The following CTNNA3 variants were observed in gnomAD, a reference collection of about 807,000 sequenced individuals.
CTNNA3 encodes the protein catenin alpha-3.
In CTNNA3, 76 loss-of-function variants were observed where a neutral mutation model predicts 95.7. The ratio of observed to expected loss-of-function variants is 0.79; its 90% CI spans 0.66 to 0.96. The LOEUF (loss-of-function observed/expected upper bound fraction) is 0.96. CTNNA3 is among the 40% of genes least tolerant of loss of function. The pLI is 0.00. For missense variants in CTNNA3, 1,191 were observed against 1,089.8 expected, an observed-to-expected ratio of 1.09 and a Z score of -1.31; for synonymous variants, 431 against 374.4, an observed-to-expected ratio of 1.15 and a Z score of -1.74.
chr10:66,651,171 T>A (rs939596251), intron 9 of CTNNA3, among the ~76,000 whole-genome samples: 3 of 152,098 alleles, frequency 2.0e-5, no homozygotes, highest in African/African-American at 7.2e-5. Flanking sequence ...ATCAGTGTGT[T>A]TACAATCCTT....
At chr10:67,658,449 T>C (rs1013367008) in intron 1 of CTNNA3, among the ~76,000 whole-genome samples, 2 of 152,210 alleles carry the variant, frequency 1.3e-5, no homozygotes, top group Non-Finnish European at 2.9e-5. Flanking sequence ...TCATAATTAT[T>C]ATTCAAGAGT....
At chr10:67,428,020 C>G (rs917558952) in intron 5 of CTNNA3, among the ~76,000 whole-genome samples, 6 of 152,140 alleles carry the variant, frequency 3.9e-5, no homozygotes, top group African/African-American at 1.2e-4. Flanking sequence ...CTCAGGTCTC[C>G]CATAGAAATT....
At chr10:66,167,398 C>T (rs1421482820) in intron 13 of CTNNA3, among the ~76,000 whole-genome samples, 2 of 152,086 alleles carry the variant, frequency 1.3e-5, no homozygotes, top group Admixed American at 1.3e-4. Context: ...GTGAGATTTA[C>T]AATGTCTTTG....
intron 3 of CTNNA3, among the ~76,000 whole-genome samples, chr10:67,591,446 A>G (rs1842785538): frequency 6.6e-6 from 1 of 152,154 alleles, no homozygotes; most frequent in South Asian, 2.1e-4. Flanking sequence ...TATAAATGAG[A>G]TGATCAAGAA....
chr10:66,442,849 A>T (rs187069204), intron 11 of CTNNA3, among the ~76,000 whole-genome samples: 6 of 152,222 alleles, frequency 3.9e-5, no homozygotes, highest in African/African-American at 1.4e-4. Context: ...GAGCCAAAGC[A>T]GGGTGAGGCA....
intron 13 of CTNNA3, among the ~76,000 whole-genome samples, chr10:66,164,876 G>A (rs1381573473): frequency 6.6e-6 from 1 of 152,056 alleles, no homozygotes; most frequent in African/African-American, 2.4e-5. Flanking sequence ...GGGAACAAAT[G>A]TGATTTGCCG....
intron 7 of CTNNA3, among the ~76,000 whole-genome samples, chr10:66,803,683 C>A (rs1187815197): frequency 6.6e-6 from 1 of 152,042 alleles, no homozygotes; most frequent in Non-Finnish European, 1.5e-5. Context: ...CCCCATTTTA[C>A]AGATGAGCAA....
At chr10:67,705,754 T>C (rs1289601636) in intron 1 of CTNNA3, among the ~76,000 whole-genome samples, 3 of 148,624 alleles carry the variant, frequency 2.0e-5, no homozygotes, top group African/African-American at 7.4e-5. Flanking sequence ...ATTGTGCACA[T>C]GTACCCTAAA....
intron 7 of CTNNA3, among the ~76,000 whole-genome samples, chr10:67,123,564 T>C (rs1038348203): frequency 5.3e-5 from 8 of 152,056 alleles, no homozygotes; most frequent in Non-Finnish European, 8.8e-5. Flanking sequence ...GAACACATTT[T>C]CTTTAACCCA....
intron 14 of CTNNA3, among the ~76,000 whole-genome samples, chr10:66,100,105 T>C (rs2081558483): frequency 1.3e-5 from 2 of 152,096 alleles, no homozygotes; most frequent in African/African-American, 4.8e-5. Flanking sequence ...GAAATAGATA[T>C]TAGTAAACGG....
intron 13 of CTNNA3, among the ~76,000 whole-genome samples, chr10:66,240,718 A>C (rs550172271): frequency 1.3e-5 from 2 of 152,096 alleles, no homozygotes; most frequent in Non-Finnish European, 2.9e-5. Context: ...GCTAAAAATG[A>C]AGAGAAAATC....
intron 5 of CTNNA3, among the ~76,000 whole-genome samples, chr10:67,482,937 C>T (rs1459715783): frequency 1.3e-5 from 2 of 151,928 alleles, no homozygotes; most frequent in Non-Finnish European, 2.9e-5. Context: ...ATAAACAACC[C>T]CATCAAAAAG....
At chr10:66,993,400 G>A (rs1490284079) in intron 7 of CTNNA3, among the ~76,000 whole-genome samples, 1 of 152,096 alleles carries the variant, frequency 6.6e-6, no homozygotes, top group Non-Finnish European at 1.5e-5. Flanking sequence ...CTTGATGGGG[G>A]AGTGGCAATG....
intron 6 of CTNNA3, among the ~76,000 whole-genome samples, chr10:67,206,198 C>T (rs1383873999): frequency 2.0e-5 from 3 of 152,132 alleles, no homozygotes; most frequent in African/African-American, 7.2e-5. Context: ...GTAAATGGTA[C>T]TGTCAAGTCC....
At chr10:66,260,741 A>AT (rs1468782332) in intron 13 of CTNNA3, among the ~76,000 whole-genome samples, 1 of 151,956 alleles carries the variant, frequency 6.6e-6, no homozygotes, top group African/African-American at 2.4e-5. Context: ...ATAAACCATC[A>AT]TTTTTTTCTT....
intron 1 of CTNNA3, among the ~76,000 whole-genome samples, chr10:67,734,642 T>C (rs1364499932): frequency 6.6e-6 from 1 of 152,176 alleles, no homozygotes; most frequent in Non-Finnish European, 1.5e-5. Context: ...GAGAAGCAGA[T>C]ACTAGGATAA....
At chr10:66,225,780 A>G (rs2089251756) in intron 13 of CTNNA3, among the ~76,000 whole-genome samples, 1 of 151,792 alleles carries the variant, frequency 6.6e-6, no homozygotes, top group Admixed American at 6.6e-5. Context: ...ATTGGGGAAA[A>G]ATTATACCTC....
intron 5 of CTNNA3, among the ~76,000 whole-genome samples, chr10:67,311,697 T>G (rs1350642522): frequency 6.6e-6 from 1 of 152,116 alleles, no homozygotes; most frequent in Non-Finnish European, 1.5e-5. Flanking sequence ...TTTAAGTGTA[T>G]AGAAGAAAGA....
intron 7 of CTNNA3, among the ~76,000 whole-genome samples, chr10:66,964,810 C>T (rs189814195): frequency 2.6e-5 from 4 of 152,218 alleles, no homozygotes; most frequent in Admixed American, 2.6e-4. Context: ...AGACTGCAAA[C>T]CCATCCAGCT....
Sources: gnomAD v4.1 joint callset for allele counts (sites outside exome capture counted in the v4.1 genomes callset) on GRCh38, gnomAD v4.1.1 for gene constraint, MANE v1.5 for transcripts, NCBI Gene and HGNC (gene_info 2026-07-23, HGNC 2026-07-21) for gene names.